SNTA1: variants seen among roughly 807,000 people sequenced by gnomAD.
SNTA1 encodes syntrophin alpha 1.
SNTA1 carries 31 observed loss-of-function variants against 47.1 expected under a neutral mutation model. That is an observed-to-expected ratio of 0.66 (90% CI 0.49 to 0.89). The LOEUF is 0.89. SNTA1 is among the 40% of genes least tolerant of loss of function. The pLI is 0.00. For missense variants in SNTA1, 575 were observed against 693.0 expected, an observed-to-expected ratio of 0.83 and a Z score of 1.91; for synonymous variants, 300 against 313.6, an observed-to-expected ratio of 0.96 and a Z score of 0.46.
rs573772189 is a variant in SNTA1, at chr20:33,443,455, G to A, written c.166C>T (p.Pro56Ser). ...AGCTGCGCGGGCTCCTGCTCCCGCGGAGCGCCGGGCTCGGGACCAGGGTCG... is the reference window on the plus strand; with the variant it reads ...AGCTGCGCGGGCTCCTGCTCCCGCGAAGCGCCGGGCTCGGGACCAGGGTCG... ...DGDPGPEPGA[P>S]REQEPAQLNG... The change falls in exon 1 of 8, where the codon CCG becomes TCG. Residue 56 changes from proline (P) to serine (S), a missense_variant. Coordinates refer to ENST00000217381, the MANE Select transcript of SNTA1 (RefSeq NM_003098.3). The A allele has an allele frequency of 1.1e-3, 1,441 of 1,366,196 alleles. 14 individuals are homozygous for A. The African/African-American group carries it at 0.018, about 17-fold the overall frequency. 84.6% of individuals were successfully genotyped at this position (1,366,196 alleles called of 1,614,324 possible).
intron 3 of SNTA1, among the ~76,000 whole-genome samples, chr20:33,416,602 C>G (rs942727534): frequency 6.6e-6 from 1 of 152,070 alleles, no homozygotes; most frequent in Non-Finnish European, 1.5e-5. Flanking sequence ...GTCAGCAGTG[C>G]GAAACCAGCG....
In SNTA1 at chr20:33,443,612, G is replaced by A; in HGVS notation, c.9C>T (p.Ser3=). MA[S]GRRAPRTGLL... ...GCCCGGTGCGCGGGGCGCGCCTGCC[G>A]GACGCCATCTTCGCCTCCGAGCCCC... The change falls in exon 1 of 8, where the codon TCC becomes TCT. Residue 3 remains serine, a synonymous_variant. Transcript: ENST00000217381. The A allele has an allele frequency of 3.3e-6, 4 of 1,225,830 alleles. No individual in the cohort carries two copies. The highest frequency in any genetic ancestry group is 5.6e-5 in the South Asian group (2 of 35,756). 75.9% of individuals were successfully genotyped at this position (1,225,830 alleles called of 1,614,324 possible).
At chr20:33,418,480 T>C (rs1989934142) in intron 2 of SNTA1, among the ~76,000 whole-genome samples, 1 of 151,958 alleles carries the variant, frequency 6.6e-6, no homozygotes. Flanking sequence ...CTAGACAGTG[T>C]ATACAAGAAG....
chr20:33,415,337 A>C (rs1321104450), intron 3 of SNTA1, among the ~76,000 whole-genome samples: 1 of 152,216 alleles, frequency 6.6e-6, no homozygotes, highest in African/African-American at 2.4e-5. Flanking sequence ...AGAAGGACTA[A>C]TACTACTTCA....
rs780808390 is a variant in SNTA1 at position 33,417,898 on chromosome 20, C to T, written c.522G>A (p.Pro174=). Residue 174 remains proline, a synonymous_variant, in exon 3 of 8, where the codon CCG becomes CCA. Coordinates refer to ENST00000217381, the MANE Select transcript of SNTA1 (RefSeq NM_003098.3). ...LEVKYMKDVS[P]YFKNSTGGTS... ...TCCCACCAGTAGAGTTCTTGAAATA[C>T]GGTGAGACGTCCTTCATATACTTGA... 73 of 1,613,668 alleles carry T rather than the reference C, an allele frequency of 4.5e-5. No homozygotes were observed. The Middle Eastern group carries it at 4.9e-4, about 11-fold the overall frequency.
chr20:33,416,535 T>C (rs968331414), intron 3 of SNTA1, among the ~76,000 whole-genome samples: 5 of 152,206 alleles, frequency 3.3e-5, no homozygotes, highest in African/African-American at 1.2e-4. Flanking sequence ...CCGGGAACGA[T>C]GGCTCATGCC....
chr20:33,431,717 C>G (rs1990313739), intron 2 of SNTA1, among the ~76,000 whole-genome samples: 1 of 152,132 alleles, frequency 6.6e-6, no homozygotes, highest in Non-Finnish European at 1.5e-5. Context: ...CCACTGTACT[C>G]CAGCCTGGGC....
intron 2 of SNTA1, among the ~76,000 whole-genome samples, chr20:33,436,794 C>T (rs1990449690): frequency 6.6e-6 from 1 of 150,686 alleles, no homozygotes; most frequent in Non-Finnish European, 1.5e-5. Flanking sequence ...AACCCTGTCT[C>T]TACTAAAAAT....
chr20:33,425,105 G>A (rs1388421745), intron 2 of SNTA1, among the ~76,000 whole-genome samples: 3 of 151,258 alleles, frequency 2.0e-5, no homozygotes, highest in African/African-American at 7.3e-5. Flanking sequence ...GACAGAGCGA[G>A]ACTCCATCTC....
At chr20:33,426,424 C>G (rs1990172339) in intron 2 of SNTA1, among the ~76,000 whole-genome samples, 2 of 142,452 alleles carry the variant, frequency 1.4e-5, no homozygotes, top group South Asian at 4.4e-4. Flanking sequence ...GCACTCCAGC[C>G]AGGGTGACAG....
intron 2 of SNTA1, among the ~76,000 whole-genome samples, chr20:33,431,288 T>C (rs767244020): frequency 2.0e-5 from 3 of 152,050 alleles, no homozygotes; most frequent in Admixed American, 6.6e-5. Flanking sequence ...TTGATTAAAA[T>C]ATATATATAT....
At chr20:33,423,371 G>A (rs1990082799) in intron 2 of SNTA1, among the ~76,000 whole-genome samples, 1 of 152,218 alleles carries the variant, frequency 6.6e-6, no homozygotes, top group Admixed American at 6.5e-5. Flanking sequence ...GACAAGGCAG[G>A]GTGGGGCTGC....
intron 2 of SNTA1, among the ~76,000 whole-genome samples, chr20:33,425,431 A>C (rs1990146738): frequency 6.6e-6 from 1 of 151,742 alleles, no homozygotes; most frequent in Admixed American, 6.6e-5. Flanking sequence ...AGGCCGAGGC[A>C]GGGGGAATCT....
At chr20:33,436,898 G>A (rs956323321) in intron 2 of SNTA1, among the ~76,000 whole-genome samples, 2 of 151,032 alleles carry the variant, frequency 1.3e-5, no homozygotes, top group Admixed American at 1.3e-4. Flanking sequence ...CCTGGAAGGC[G>A]GAGGATGCAG....
At chr20:33,414,257 A>AAAAC (rs1286001464) in intron 3 of SNTA1, among the ~76,000 whole-genome samples, 1 of 136,786 alleles carries the variant, frequency 7.3e-6, no homozygotes. Context: ...AAAAAAAAAA[A>AAAAC]AAAAAAAAAA....
rs1600844787 is a variant in SNTA1, at chr20:33,417,873, T to G, written c.547A>C (p.Thr183Pro). 6.2e-7 allele frequency: 1 copy of G among 1,613,878 alleles called. No individual in the cohort carries two copies. Reference sequence around the variant, plus strand: ...GGAGGTGAGTCCCAGCCGACCGAGGTCCCACCAGTAGAGTTCTTGAAATAC... The same window carrying G: ...GGAGGTGAGTCCCAGCCGACCGAGGGCCCACCAGTAGAGTTCTTGAAATAC... ...SPYFKNSTGG[T>P]SVGWDSPPAS... The change falls in exon 3 of 8, where the codon ACC becomes CCC. Residue 183 changes from threonine to proline, a missense_variant. By Grantham distance (38) the Thr-to-Pro change is conservative. Coordinates refer to ENST00000217381, the MANE Select transcript of SNTA1 (RefSeq NM_003098.3).
At position 33,421,890 on chromosome 20, in the gene SNTA1, G is replaced by A. The variant is rs904442292; in HGVS notation, c.497-3967C>T. On this transcript the variant is annotated intron_variant, in intron 2 of 7. Coordinates refer to ENST00000217381, the MANE Select transcript of SNTA1 (RefSeq NM_003098.3). ...GAGGATTGCTTGAGCCCAGGAGGCA[G>A]AGGTTGCAGTAAGCCAAGATTATGC... Among the ~76,000 whole-genome samples the A allele has an allele frequency of 4.3e-5, 6 of 138,308 alleles. No homozygotes were observed. The East Asian group carries it at 1.3e-3, about 31-fold the overall frequency. 90.7% of individuals were successfully genotyped at this position (138,308 alleles called of 152,430 possible). A position where few individuals can be genotyped will look rare whatever the true frequency, so the allele number is the denominator to read the frequency against.
At chr20:33,424,874 T>TG (rs1449477028) in intron 2 of SNTA1, among the ~76,000 whole-genome samples, 1 of 151,172 alleles carries the variant, frequency 6.6e-6, no homozygotes, top group Admixed American at 6.6e-5. Flanking sequence ...CCCAGCACTT[T>TG]GGGGGGCCGA....
Position 33,412,437 on chromosome 20 carries a change from C to T in SNTA1, c.910-11G>A. On this transcript the variant is annotated splice_polypyrimidine_tract_variant and intron_variant, in intron 4 of 7. Transcript: ENST00000217381. The stretch of plus-strand genomic sequence containing the variant: ...GCCCCCACTGGGCAGCTGCAGAGAA[C>T]AAAACAGCAGTGAGGATGGGTGGGG... 6.2e-7 allele frequency: 1 copy of T among 1,610,636 alleles called. No homozygotes were observed. Among genetic ancestry groups the T allele is most frequent in the Non-Finnish European group, 8.5e-7 (1 of 1,179,292 alleles).
Sources: allele counts gnomAD v4.1 joint callset (sites outside exome capture counted in the v4.1 genomes callset), GRCh38; gene constraint gnomAD v4.1.1; transcripts MANE v1.5; gene names NCBI Gene and HGNC (gene_info 2026-07-23, HGNC 2026-07-21).